The following CLASP1 variants were observed in gnomAD, a reference collection of about 807,000 sequenced individuals.
CLASP1 encodes cytoplasmic linker associated protein 1, also known as CLIP-associating protein 1.
CLASP1 carries 38 observed loss-of-function variants against 192.3 expected under a neutral mutation model. The ratio of observed to expected loss-of-function variants is 0.20; its 90% CI spans 0.15 to 0.26. CLASP1 has a LOEUF of 0.26. Ranked by LOEUF, CLASP1 falls within the 10% of genes least tolerant of loss-of-function variation. The probability of loss-of-function intolerance (pLI) is 1.00; values close to 1 mark genes in which losing one functional copy is unlikely to be tolerated. For synonymous variants in CLASP1, 691 were observed against 712.8 expected (o/e 0.97, Z 0.49); for missense variants, 1,433 against 1,932.5 (o/e 0.74, Z 4.85).
chr2:121,625,499 A>G lies in CLASP1; in HGVS notation c.-285-19319T>C, dbSNP rs188191674. ...ATCCAGGCTGGAGTGCAGTGGCACA[A>G]TCTCGGCTCAATGCAACCTCTACTT... On this transcript the variant is annotated intron_variant, in intron 1 of 39. Transcript: ENST00000263710. Among the ~76,000 whole-genome samples, 425 of 144,936 alleles carry G rather than the reference A, an allele frequency of 2.9e-3. 9 individuals are homozygous for G. Among genetic ancestry groups the G allele is most frequent in the East Asian group, 2.2e-3 (11 of 4,954 alleles).
At chr2:121,367,787 C>T (rs2067721977) in exon 35 of CLASP1, 4 of 1,613,744 alleles carry the variant, frequency 2.5e-6, no homozygotes, top group East Asian at 2.2e-5. Flanking sequence ...CACTACCCCC[C>T]CGGCCCTCAG....
chr2:121,351,448 T>C (rs1340714893), intron 37 of CLASP1, among the ~76,000 whole-genome samples: 2 of 152,224 alleles, frequency 1.3e-5, no homozygotes, highest in Non-Finnish European at 2.9e-5. Context: ...GCTGGGCATT[T>C]ACCAGGAGCT....
intron 2 of CLASP1, among the ~76,000 whole-genome samples, chr2:121,581,515 C>T (rs1401790318): frequency 6.6e-6 from 1 of 151,900 alleles, no homozygotes; most frequent in Non-Finnish European, 1.5e-5. Flanking sequence ...ACCTCATGAT[C>T]CACCCGCCTC....
chr2:121,427,488 C>A lies in CLASP1; in HGVS notation c.2018-58G>T, dbSNP rs754273243. The A allele has an allele frequency of 1.9e-6, 3 of 1,577,180 alleles. No homozygotes were observed. The South Asian group carries it at 3.4e-5, about 18-fold the overall frequency. ...AAAAGTGGATTAAAAGACAATAACA[C>A]AATACAGAAGGTCAGCATGCAACAC... On this transcript the variant is annotated intron_variant, in intron 20 of 39. Coordinates refer to ENST00000263710, the Ensembl canonical transcript of CLASP1.
At chr2:121,410,941 T>C in exon 24 of CLASP1, 1 of 1,610,370 alleles carries the variant, frequency 6.2e-7, no homozygotes, top group Non-Finnish European at 8.5e-7. Flanking sequence ...AACCAGGTAT[T>C]CTTCCTGGCT....
chr2:121,535,775 C>T (rs559970495), intron 2 of CLASP1, among the ~76,000 whole-genome samples: 15 of 151,758 alleles, frequency 9.9e-5, no homozygotes, highest in Non-Finnish European at 1.9e-4. Flanking sequence ...CAGCAACCTG[C>T]CCCCTCCCCA....
intron 34 of CLASP1, among the ~76,000 whole-genome samples, chr2:121,377,265 A>C (rs985672075): frequency 2.0e-5 from 3 of 152,252 alleles, no homozygotes; most frequent in African/African-American, 7.2e-5. Context: ...TGATGGATGT[A>C]CTAATTACCT....
At chr2:121,478,648 CCA>C (rs367703736) in intron 8 of CLASP1, among the ~76,000 whole-genome samples, 19,391 of 98,476 alleles carry the variant, frequency 0.2, 3,596 homozygotes, top group African/African-American at 0.5. Flanking sequence ...CACACACCCC[CCA>C]CACACACACA....
chr2:121,614,049 G>A (rs2066051830), intron 1 of CLASP1, among the ~76,000 whole-genome samples: 1 of 152,156 alleles, frequency 6.6e-6, no homozygotes, highest in African/African-American at 2.4e-5. Context: ...CCATTCAGTG[G>A]CATAGCCTAG....
At chr2:121,365,708 C>T in intron 35 of CLASP1, among the ~76,000 whole-genome samples, 1 of 152,214 alleles carries the variant, frequency 6.6e-6, no homozygotes, top group Non-Finnish European at 1.5e-5. Flanking sequence ...AATCTACTCT[C>T]ATACACACAT....
At chr2:121,531,645 G>A (rs1326224115) in intron 2 of CLASP1, among the ~76,000 whole-genome samples, 8 of 151,092 alleles carry the variant, frequency 5.3e-5, no homozygotes, top group African/African-American at 1.9e-4. Flanking sequence ...CGAGGCGGGC[G>A]GATCAGGAGC....
chr2:121,517,363 C>CTGAAG (rs1363265851), intron 6 of CLASP1, among the ~76,000 whole-genome samples: 1 of 152,140 alleles, frequency 6.6e-6, no homozygotes. Context: ...ATTTGAAATA[C>CTGAAG]TGAAGGGAGT....
At chr2:121,619,742 T>G (rs964291820) in intron 1 of CLASP1, among the ~76,000 whole-genome samples, 1 of 152,172 alleles carries the variant, frequency 6.6e-6, no homozygotes, top group Non-Finnish European at 1.5e-5. Context: ...TAGAACATAG[T>G]TTTCATTCTA....
At chr2:121,641,251 T>C (rs937053983) in intron 1 of CLASP1, among the ~76,000 whole-genome samples, 7 of 151,712 alleles carry the variant, frequency 4.6e-5, no homozygotes, top group Non-Finnish European at 8.8e-5. Flanking sequence ...AGACACAGTC[T>C]ATGAAGAAAA....
intron 16 of CLASP1, among the ~76,000 whole-genome samples, chr2:121,449,752 T>C (rs2085058884): frequency 6.6e-6 from 1 of 152,128 alleles, no homozygotes; most frequent in Admixed American, 6.5e-5. Flanking sequence ...CACAAACACT[T>C]CATAGTTATA....
intron 2 of CLASP1, among the ~76,000 whole-genome samples, chr2:121,540,377 T>C (rs1331736552): frequency 6.6e-6 from 1 of 152,194 alleles, no homozygotes; most frequent in African/African-American, 2.4e-5. Flanking sequence ...CACGGTGGTG[T>C]CTACAGTCCC....
chr2:121,482,837 G>A (rs528471085), intron 8 of CLASP1, among the ~76,000 whole-genome samples: 9 of 152,226 alleles, frequency 5.9e-5, no homozygotes, highest in South Asian at 2.1e-4. Flanking sequence ...TTCATGTGTC[G>A]TTAAGGACCA....
chr2:121,473,714 AGGG>A lies in CLASP1; in HGVS notation c.713-3757_713-3755del, dbSNP rs539826527. On this transcript the variant is annotated intron_variant, in intron 8 of 39. Coordinates refer to ENST00000263710, the Ensembl canonical transcript of CLASP1. ...TGCTTAAACCCAGACAAGAGCAGCC[AGGG>A]GAAGAGACATAGCACACAGAAGAAC... Among the ~76,000 whole-genome samples, 21 of 152,358 alleles carry A rather than the reference AGGG, an allele frequency of 1.4e-4. 1 individual carries two copies. The South Asian group carries it at 3.9e-3, about 29-fold the overall frequency.
At chr2:121,434,547 T>C (rs1036784029) in intron 19 of CLASP1, among the ~76,000 whole-genome samples, 5 of 152,184 alleles carry the variant, frequency 3.3e-5, no homozygotes, top group Admixed American at 2.6e-4. Flanking sequence ...ATTATAGGTG[T>C]GAGCCATTGT....
Sources: gnomAD v4.1 joint callset for allele counts (sites outside exome capture counted in the v4.1 genomes callset) on GRCh38, gnomAD v4.1.1 for gene constraint, MANE v1.5 for transcripts, NCBI Gene and HGNC (gene_info 2026-07-23, HGNC 2026-07-21) for gene names.